Variants in NT5C2 observed in about 807,000 individuals in gnomAD.
The protein encoded by NT5C2 is 5'-nucleotidase, cytosolic II, also known as cytosolic purine 5'-nucleotidase.
In NT5C2, 58 loss-of-function variants were observed where a neutral mutation model predicts 76.1. The ratio of observed to expected loss-of-function variants is 0.76; its 90% CI spans 0.62 to 0.95. NT5C2 has a LOEUF of 0.95. NT5C2 is among the 40% of genes least tolerant of loss of function. The probability of loss-of-function intolerance (pLI) is 0.00; values close to 1 mark genes in which losing one functional copy is unlikely to be tolerated. For synonymous variants in NT5C2, 229 were observed against 237.4 expected (o/e 0.96, Z 0.32); for missense variants, 478 against 690.3 (o/e 0.69, Z 3.45).
chr10:103,160,037 A>C (rs1006795683), intron 3 of NT5C2, among the ~76,000 whole-genome samples: 12 of 152,234 alleles, frequency 7.9e-5, no homozygotes, highest in Non-Finnish European at 1.3e-4. Flanking sequence ...TGCTACTGGC[A>C]TAAGGACAAA....
chr10:103,099,183 C>T (rs2068926597), intron 9 of NT5C2, among the ~76,000 whole-genome samples, 199 bp from the exon 10 acceptor site: 1 of 152,184 alleles, frequency 6.6e-6, no homozygotes, highest in African/African-American at 2.4e-5. Flanking sequence ...AGGTGATCCT[C>T]CCACTTCAGC....
At chr10:103,152,814 A>C (rs993877648) in intron 3 of NT5C2, among the ~76,000 whole-genome samples, 3 of 152,210 alleles carry the variant, frequency 2.0e-5, no homozygotes, top group African/African-American at 7.2e-5. Context: ...TGCAAAGCAA[A>C]TTAGAATAGG....
At chr10:103,110,386 G>A (rs1314425862) in intron 4 of NT5C2, among the ~76,000 whole-genome samples, 5 of 152,146 alleles carry the variant, frequency 3.3e-5, no homozygotes, top group Non-Finnish European at 7.4e-5. Flanking sequence ...AACCCAGGAG[G>A]CGGAGGTTGC....
At chr10:103,141,585 T>C (rs1453900951) in intron 3 of NT5C2, among the ~76,000 whole-genome samples, 1 of 152,220 alleles carries the variant, frequency 6.6e-6, no homozygotes, top group East Asian at 1.9e-4. Flanking sequence ...AAAAATGCCA[T>C]GTATTCAAGA....
chr10:103,116,587 C>T (rs201465446), intron 4 of NT5C2, among the ~76,000 whole-genome samples: 369 of 125,866 alleles, frequency 2.9e-3, no homozygotes, highest in Non-Finnish European at 2.8e-3. Flanking sequence ...TTTTTTTTTT[C>T]TTTTTTTTTT....
intron 3 of NT5C2, among the ~76,000 whole-genome samples, chr10:103,169,065 GACT>G (rs1483200685): frequency 2.6e-5 from 4 of 152,034 alleles, no homozygotes; most frequent in African/African-American, 7.2e-5. Flanking sequence ...CAAGTCTGAT[GACT>G]ACATCATGAT....
chr10:103,102,871 A>G (rs1232381972), intron 6 of NT5C2, among the ~76,000 whole-genome samples: 2 of 152,022 alleles, frequency 1.3e-5, no homozygotes, highest in East Asian at 1.9e-4. Flanking sequence ...CAGCCTTGAG[A>G]GATAACTGAG....
rs1565056065 is a variant in NT5C2 at position 103,121,068 on chromosome 10, A to AT, written c.176-14363dup. Among the ~76,000 whole-genome samples the AT allele has an allele frequency of 2.6e-5, 4 of 152,360 alleles. No individual in the cohort carries two copies. In the South Asian group the frequency reaches 6.2e-4, roughly 24 times the overall value. ...ATAATTTCACTTTTATGAAATACCTATAACAGACAAATTCATAGAGACAAA... is the reference window on the plus strand; with the variant it reads ...ATAATTTCACTTTTATGAAATACCTATTAACAGACAAATTCATAGAGACAAA... On this transcript the variant is annotated intron_variant, in intron 4 of 18. Coordinates refer to ENST00000404739, the MANE Select transcript of NT5C2 (RefSeq NM_001351169.2).
At chr10:103,095,868 C>G in intron 12 of NT5C2, 71 bp downstream of exon 12, 3 of 1,391,992 alleles carry the variant, frequency 2.2e-6, no homozygotes, top group Non-Finnish European at 3.1e-6. Flanking sequence ...TTCTTTCCCC[C>G]TTAATATTCC....
At chr10:103,124,351 C>T (rs1410398882) in intron 4 of NT5C2, among the ~76,000 whole-genome samples, 1 of 152,112 alleles carries the variant, frequency 6.6e-6, no homozygotes, top group Non-Finnish European at 1.5e-5. Context: ...CTTTAACTTT[C>T]TATTAAGTTC....
chr10:103,102,046 G>T (rs2069845589), intron 6 of NT5C2, among the ~76,000 whole-genome samples: 1 of 152,152 alleles, frequency 6.6e-6, no homozygotes, highest in Non-Finnish European at 1.5e-5. Flanking sequence ...AATCCCATCG[G>T]GGCTGAGTTG....
At chr10:103,147,976 A>ATT (rs2081771960) in intron 3 of NT5C2, among the ~76,000 whole-genome samples, 1 of 152,206 alleles carries the variant, frequency 6.6e-6, no homozygotes, top group African/African-American at 2.4e-5. Context: ...TGATACGTGA[A>ATT]TTGTATCTCA....
At chr10:103,126,211 G>A (rs12243923) in intron 4 of NT5C2, among the ~76,000 whole-genome samples, 1,747 of 152,274 alleles carry the variant, frequency 0.011, 35 homozygotes, top group African/African-American at 0.04. Context: ...ACACATACCC[G>A]CAGAGGAAGT....
chr10:103,165,648 A>T (rs2086197441), intron 3 of NT5C2, among the ~76,000 whole-genome samples: 1 of 129,464 alleles, frequency 7.7e-6, no homozygotes, highest in Non-Finnish European at 1.6e-5. Context: ...GACTCAAGTG[A>T]TGTCCCCACC....
At chr10:103,105,023 T>TG (rs2070842638) in intron 6 of NT5C2, among the ~76,000 whole-genome samples, 1 of 152,156 alleles carries the variant, frequency 6.6e-6, no homozygotes, top group African/African-American at 2.4e-5. Flanking sequence ...AGTTGTCAAA[T>TG]TGTGGCATTA....
At chr10:103,097,950 C>CAA (rs1409548102) in intron 10 of NT5C2, 2 of 480,744 alleles carry the variant, frequency 4.2e-6, no homozygotes, top group East Asian at 1.3e-4. Context: ...TTCCTTCACT[C>CAA]AAATTCTCCC....
chr10:103,101,679 G>T (rs1280778490), intron 6 of NT5C2, among the ~76,000 whole-genome samples: 1 of 151,852 alleles, frequency 6.6e-6, no homozygotes, highest in Non-Finnish European at 1.5e-5. Context: ...TCAGTGTGGT[G>T]GGCGAGGTGG....
intron 3 of NT5C2, among the ~76,000 whole-genome samples, chr10:103,154,377 C>T (rs1220259968): frequency 1.3e-5 from 2 of 151,550 alleles, no homozygotes; most frequent in African/African-American, 4.9e-5. Context: ...AAAAGCACTA[C>T]TAAATACTAT....
rs1392551953 is a variant in NT5C2 at position 103,090,799 on chromosome 10, A to T, written c.1273-12T>A. The T allele has an allele frequency of 2.5e-6, 4 of 1,613,550 alleles. No homozygotes were observed. The highest frequency in any genetic ancestry group is 3.4e-6 in the Non-Finnish European group (4 of 1,179,642). On this transcript the variant is annotated splice_polypyrimidine_tract_variant and intron_variant, in intron 17 of 18. Transcript: ENST00000404739. Reference sequence around the variant, plus strand: ...TCATGAGTTACTTTCTAAAACAAAGAACAAGATTGATTCTTGGCTCATTCA... The same window carrying T: ...TCATGAGTTACTTTCTAAAACAAAGTACAAGATTGATTCTTGGCTCATTCA...
Sources: allele counts gnomAD v4.1 joint callset (sites outside exome capture counted in the v4.1 genomes callset), GRCh38; gene constraint gnomAD v4.1.1; transcripts MANE v1.5; gene names NCBI Gene and HGNC (gene_info 2026-07-23, HGNC 2026-07-21).